Variants in PCDHGA4 observed in about 807,000 individuals in gnomAD.
The protein encoded by PCDHGA4 is protocadherin gamma-A4.
Under a neutral mutation model 54.6 loss-of-function variants are expected in PCDHGA4, and 38 were observed. That is an observed-to-expected ratio of 0.70 (90% CI 0.54 to 0.91). The LOEUF is 0.91. Among genes scored for constraint, PCDHGA4 ranks in the 40% least tolerant of loss-of-function variants. PCDHGA4 has a pLI of 0.00. For synonymous variants in PCDHGA4, 511 were observed against 512.9 expected (o/e 1.00, Z 0.05); for missense variants, 1,298 against 1,220.9 (o/e 1.06, Z -0.94).
intron 1 of PCDHGA4, chr5:141,399,413 C>A (rs1456440098): frequency 1.2e-6 from 2 of 1,613,930 alleles, no homozygotes; most frequent in African/African-American, 1.3e-5. Context: ...CCGCCCCTCT[C>A]CTCCAGCATA....
intron 1 of PCDHGA4, chr5:141,362,603 C>A: frequency 6.4e-7 from 1 of 1,572,606 alleles, no homozygotes; most frequent in Non-Finnish European, 8.6e-7. Context: ...ATTGTTTCAC[C>A]TAATTTGGGT....
intron 1 of PCDHGA4, among the ~76,000 whole-genome samples, chr5:141,381,364 G>T (rs1777146369): frequency 6.6e-6 from 1 of 152,216 alleles, no homozygotes; most frequent in Non-Finnish European, 1.5e-5. Context: ...GCAGAGGGTA[G>T]CCTCGGATCC....
intron 1 of PCDHGA4, chr5:141,383,821 G>T: frequency 1.2e-6 from 2 of 1,613,922 alleles, no homozygotes; most frequent in Non-Finnish European, 1.7e-6. Context: ...AGAAGGATTA[G>T]ATTATGAAGA....
chr5:141,460,296 C>T (rs1443273958), intron 1 of PCDHGA4, among the ~76,000 whole-genome samples: 1 of 151,924 alleles, frequency 6.6e-6, no homozygotes, highest in Non-Finnish European at 1.5e-5. Context: ...TTCTTATGTC[C>T]TATTCAAAAA....
intron 1 of PCDHGA4, among the ~76,000 whole-genome samples, chr5:141,483,302 C>G (rs1262756268): frequency 2.0e-5 from 3 of 152,012 alleles, no homozygotes; most frequent in Admixed American, 6.5e-5. Context: ...AGTGAAGGGA[C>G]TGGGGACATT....
rs558504351 is a variant in PCDHGA4, at chr5:141,374,628, T to A, written c.2514+17007T>A. The A allele has an allele frequency of 2.5e-6, 4 of 1,613,272 alleles. No individual in the cohort carries two copies. The South Asian group carries it at 3.3e-5, about 13-fold the overall frequency. On this transcript the variant is annotated intron_variant, in intron 1 of 3. Coordinates refer to ENST00000571252, the MANE Select transcript of PCDHGA4 (RefSeq NM_018917.4). ...GGTAATAGTCACTTCTCAGTGGACG[T>A]GCAAAGCGAAGCCCATGGGCCCAAG...
At position 141,487,465 on chromosome 5, in the gene PCDHGA4, T is replaced by C. The variant is rs1354086784; in HGVS notation, c.2515-7342T>C. 1.9e-6 allele frequency: 3 copies of C among 1,614,194 alleles called. No individual in the cohort carries two copies. The highest frequency in any genetic ancestry group is 1.7e-6 in the Non-Finnish European group (2 of 1,180,020). Reference sequence around the variant, plus strand: ...CAGATGACCCTATCAAGTTTGTTGATGTGGGAGGCCACTCTCATGGCTGTA... The same window carrying C: ...CAGATGACCCTATCAAGTTTGTTGACGTGGGAGGCCACTCTCATGGCTGTA... On this transcript the variant is annotated intron_variant, in intron 1 of 3. Transcript: ENST00000571252. The surrounding 1 kb of genome is among the most constrained non-coding windows in gnomAD (Gnocchi z 5.0).
Position 141,486,558 on chromosome 5 carries a change from T to C in PCDHGA4, c.2515-8249T>C, listed in dbSNP as rs544575797. 1 of 1,614,034 alleles carries C rather than the reference T, an allele frequency of 6.2e-7. No homozygotes were observed. Among genetic ancestry groups the C allele is most frequent in the Non-Finnish European group, 8.5e-7 (1 of 1,180,012 alleles). ...TCTTTCTTTCAGAGGTCACATGAGG[T>C]GTTTGTTCCTGAGAACAATCGCCCA... On this transcript the variant is annotated intron_variant, in intron 1 of 3. Coordinates refer to ENST00000571252, the MANE Select transcript of PCDHGA4 (RefSeq NM_018917.4). This position sits in a 1 kb window ranked among gnomAD's most constrained non-coding sequence, Gnocchi z 5.0.
At chr5:141,448,139 C>A (rs1486636157) in intron 1 of PCDHGA4, among the ~76,000 whole-genome samples, 1 of 151,884 alleles carries the variant, frequency 6.6e-6, no homozygotes, top group African/African-American at 2.4e-5. Context: ...CCTCACTATA[C>A]CTCAGACTCA....
chr5:141,511,823 GC>G lies in PCDHGA4; in HGVS notation c.*653del, dbSNP rs2099883963. On this transcript the variant is annotated 3_prime_UTR_variant, in exon 4 of 4. Coordinates refer to ENST00000571252, the MANE Select transcript of PCDHGA4 (RefSeq NM_018917.4). The stretch of plus-strand genomic sequence containing the variant: ...TTTTGCTACCAAGCCTCTTCCCAAC[GC>G]CCTGGGGACCAGTCTTCTGTTTTGT... The G allele has an allele frequency of 6.4e-6, 1 of 156,728 alleles. No individual in the cohort carries two copies. The highest frequency in any genetic ancestry group is 1.9e-4 in the South Asian group (1 of 5,164). 9.7% of individuals were successfully genotyped at this position (156,728 alleles called of 1,614,324 possible).
intron 1 of PCDHGA4, chr5:141,374,871 CA>C: frequency 6.2e-7 from 1 of 1,613,662 alleles, no homozygotes; most frequent in South Asian, 1.1e-5. Flanking sequence ...CCAGTGTTGG[CA>C]GTGACTGCCA....
At chr5:141,393,937 ACT>A in intron 1 of PCDHGA4, 3 of 1,613,906 alleles carry the variant, frequency 1.9e-6, no homozygotes, top group Non-Finnish European at 2.5e-6. Flanking sequence ...CATGACCAAG[ACT>A]CTGGAAAGAA....
At chr5:141,409,436 C>G (rs368696166) in intron 1 of PCDHGA4, 2 of 1,613,982 alleles carry the variant, frequency 1.2e-6, no homozygotes, top group Non-Finnish European at 1.7e-6. Flanking sequence ...AGCCCTGGAC[C>G]GAGAGCAGAC....
At chr5:141,368,558 T>C (rs2149928409) in intron 1 of PCDHGA4, among the ~76,000 whole-genome samples, 1 of 152,140 alleles carries the variant, frequency 6.6e-6, no homozygotes, top group East Asian at 1.9e-4. Context: ...TAAAAGAAAA[T>C]GTTATATGCT....
At chr5:141,458,090 G>C (rs1306631184) in intron 1 of PCDHGA4, among the ~76,000 whole-genome samples, 2 of 152,234 alleles carry the variant, frequency 1.3e-5, no homozygotes, top group Non-Finnish European at 1.5e-5. Context: ...CGTAAGTTAA[G>C]AGTACTTACA....
rs765690531 is a variant in PCDHGA4, at chr5:141,404,329, C to T, written c.2514+46708C>T. 6.8e-5 allele frequency: 110 copies of T among 1,613,772 alleles called. No homozygotes were observed. The East Asian group carries it at 2.4e-3, about 36-fold the overall frequency. On this transcript the variant is annotated intron_variant, in intron 1 of 3. Coordinates refer to ENST00000571252, the MANE Select transcript of PCDHGA4 (RefSeq NM_018917.4). ...CTTTCTCTCAAGCCTCCTACTCAGTCTACCTCCCGGAAAACAACGCCAGAG... is the reference window on the plus strand; with the variant it reads ...CTTTCTCTCAAGCCTCCTACTCAGTTTACCTCCCGGAAAACAACGCCAGAG...
rs528371675 is a variant in PCDHGA4 at position 141,389,403 on chromosome 5, G to T, written c.2514+31782G>T. 18 of 1,613,628 alleles carry T rather than the reference G, an allele frequency of 1.1e-5. No individual in the cohort carries two copies. The African/African-American group carries it at 2.4e-4, about 21-fold the overall frequency. On this transcript the variant is annotated intron_variant, in intron 1 of 3. Transcript: ENST00000571252. The stretch of plus-strand genomic sequence containing the variant: ...GCTGTCATCCTACGTGTCCATAAGC[G>T]CGGAGAGCGGGGTGGTGTTCGCGCA...
chr5:141,489,904 C>T lies in PCDHGA4; in HGVS notation c.2515-4903C>T, dbSNP rs750411680. On this transcript the variant is annotated intron_variant, in intron 1 of 3. Transcript: ENST00000571252. This position sits in a 1 kb window ranked among gnomAD's most constrained non-coding sequence, Gnocchi z 4.5. ...TGCTGTGGATGGGGGGACCCCAGCC[C>T]GCTCAGGGACCACCCTTATCTCTGT... 1.6e-5 allele frequency: 26 copies of T among 1,614,092 alleles called. No homozygotes were observed. The highest frequency in any genetic ancestry group is 3.3e-5 in the Admixed American group (2 of 60,014).
intron 1 of PCDHGA4, chr5:141,388,866 C>A (rs2091521937): frequency 2.5e-6 from 4 of 1,613,832 alleles, no homozygotes; most frequent in Non-Finnish European, 3.4e-6. Flanking sequence ...AATGATTGCG[C>A]AATGCACAGT....
Sources: allele counts gnomAD v4.1 joint callset (sites outside exome capture counted in the v4.1 genomes callset), GRCh38; gene constraint gnomAD v4.1.1; non-coding constraint Gnocchi (gnomAD v3.1); transcripts MANE v1.5; gene names NCBI Gene and HGNC (gene_info 2026-07-23, HGNC 2026-07-21).